The following PSMB2 variants were observed in gnomAD, a reference collection of about 807,000 sequenced individuals.
The protein encoded by PSMB2 is proteasome 20S subunit beta 2.
PSMB2 carries 13 observed loss-of-function variants against 25.7 expected under a neutral mutation model. The observed-to-expected ratio is 0.51, with a 90% confidence interval of 0.33 to 0.80. The LOEUF (loss-of-function observed/expected upper bound fraction) is 0.80. Among genes scored for constraint, PSMB2 ranks in the 30% least tolerant of loss-of-function variants. The probability of loss-of-function intolerance (pLI) is 0.02; values close to 1 mark genes in which losing one functional copy is unlikely to be tolerated. For missense variants in PSMB2, 202 were observed against 259.0 expected, an observed-to-expected ratio of 0.78 and a Z score of 1.51; for synonymous variants, 87 against 96.2, an observed-to-expected ratio of 0.90 and a Z score of 0.56.
intron 3 of PSMB2, among the ~76,000 whole-genome samples, chr1:35,612,691 AAAGT>A (rs1392810111): frequency 2.0e-5 from 3 of 152,318 alleles, no homozygotes; most frequent in African/African-American, 2.4e-5. Context: ...TACCTATCAC[AAAGT>A]AAGTTAAATC....
chr1:35,636,399 A>ATC lies in PSMB2; in HGVS notation c.123_124dup (p.Ile42ArgfsTer60). On this transcript the variant is annotated frameshift_variant, in exon 2 of 6. Transcript: ENST00000373237. LOFTEE classifies it high-confidence loss of function. ...AGCCTCTCCAACACACAGGAGTAAT[A>ATC]TCTTTTCACTCATCTTAAACATCTT... 6.2e-7 allele frequency: 1 copy of ATC among 1,614,102 alleles called. No individual in the cohort carries two copies. The highest frequency in any genetic ancestry group is 8.5e-7 in the Non-Finnish European group (1 of 1,179,970).
Position 35,601,553 on chromosome 1 carries a change from CG to C in PSMB2, c.*1713del. The C allele has an allele frequency of 1.0e-6, 1 of 985,086 alleles. No homozygotes were observed. Among genetic ancestry groups the C allele is most frequent in the African/African-American group, 1.7e-5 (1 of 57,258 alleles). 61.0% of individuals were successfully genotyped at this position (985,086 alleles called of 1,614,324 possible). Reference sequence around the variant, plus strand: ...TATGGTGTAAGGCATTTATCATTGGCGTATTAAATAGTGTATAAGACACCCA... The same window carrying C: ...TATGGTGTAAGGCATTTATCATTGGCTATTAAATAGTGTATAAGACACCCA... On this transcript the variant is annotated 3_prime_UTR_variant, in exon 6 of 6. Transcript: ENST00000373237.
In PSMB2 at chr1:35,600,803, A is replaced by C. The variant is rs969921846; in HGVS notation, c.*2464T>G. On this transcript the variant is annotated 3_prime_UTR_variant, in exon 6 of 6. Coordinates refer to ENST00000373237, the MANE Select transcript of PSMB2 (RefSeq NM_002794.5). ...GGGACACTTACATTCAAAGGCAGAG[A>C]ACCGTATGTCATCCCTGGTGAGGCC... is the stretch of plus-strand genomic sequence containing the variant. The C allele has an allele frequency of 2.0e-6, 2 of 985,420 alleles. No homozygotes were observed. The highest frequency in any genetic ancestry group is 2.4e-6 in the Non-Finnish European group (2 of 829,944). The allele number at this position is 985,420 out of a possible 1,614,324, so 61.0% of individuals were successfully genotyped here. A position where few individuals can be genotyped will look rare whatever the true frequency, so the allele number is the denominator to read the frequency against.
Position 35,603,339 on chromosome 1 carries a change from G to A in PSMB2, c.534C>T (p.Phe178=). ...CATTTTTGTCAATGATTCGAACACT[G>A]AAGGTTGGCAGATTCAGGATGAAGC... ...QKRFILNLPT[F]SVRIIDKNGI... is the part of the protein sequence containing the mutation. Residue 178 remains phenylalanine (F), a synonymous_variant, in exon 6 of 6, where the codon TTC becomes TTT. Coordinates refer to ENST00000373237, the MANE Select transcript of PSMB2 (RefSeq NM_002794.5). 6.2e-7 allele frequency: 1 copy of A among 1,614,174 alleles called. No homozygotes were observed. The highest frequency in any genetic ancestry group is 8.5e-7 in the Non-Finnish European group (1 of 1,180,006).
At chr1:35,626,069 C>T (rs980627976) in intron 3 of PSMB2, among the ~76,000 whole-genome samples, 1 of 152,114 alleles carries the variant, frequency 6.6e-6, no homozygotes, top group African/African-American at 2.4e-5. Context: ...AACTCCTGGG[C>T]TCAACTGATC....
Position 35,600,218 on chromosome 1 carries a change from T to A in PSMB2, c.*3049A>T, listed in dbSNP as rs192671682. ...GAAATGCCAGAACTTGGTGGCCATG[T>A]AGAGACAGGAGATAAAGAATGGCAT... On this transcript the variant is annotated 3_prime_UTR_variant, in exon 6 of 6. Transcript: ENST00000373237. 4.1e-6 allele frequency: 4 copies of A among 985,252 alleles called. No homozygotes were observed. Among genetic ancestry groups the A allele is most frequent in the Non-Finnish European group, 4.8e-6 (4 of 829,892 alleles). The allele number at this position is 985,252 out of a possible 1,614,324, so 61.0% of individuals were successfully genotyped here.
At position 35,609,427 on chromosome 1, in the gene PSMB2, G is replaced by A. The variant is rs1229242506; in HGVS notation, c.286-19C>T. ...ATGGGGTCTGCAAAGAAAAGATATGGCAAAGTGATAACTAAAGCAGAACAC... is the reference window on the plus strand; with the variant it reads ...ATGGGGTCTGCAAAGAAAAGATATGACAAAGTGATAACTAAAGCAGAACAC... On this transcript the variant is annotated intron_variant, in intron 3 of 5. Coordinates refer to ENST00000373237, the MANE Select transcript of PSMB2 (RefSeq NM_002794.5). The A allele has an allele frequency of 1.3e-6, 2 of 1,483,004 alleles. No homozygotes were observed. The highest frequency in any genetic ancestry group is 1.8e-6 in the Non-Finnish European group (2 of 1,106,600). The allele number at this position is 1,483,004 out of a possible 1,614,324, so 91.9% of individuals were successfully genotyped here.
rs548965218 is a variant in PSMB2 at position 35,633,603 on chromosome 1, C to T, written c.215-2259G>A. Among the ~76,000 whole-genome samples, 38 of 152,320 alleles carry T rather than the reference C, an allele frequency of 2.5e-4. 1 individual carries two copies. The South Asian group carries it at 7.9e-3, about 32-fold the overall frequency. The stretch of plus-strand genomic sequence containing the variant: ...GGACAGCCAGTGAAGTCATACAGTA[C>T]CTACTGGACTTCAGAAGCATTACTG... On this transcript the variant is annotated intron_variant, in intron 2 of 5. Coordinates refer to ENST00000373237, the MANE Select transcript of PSMB2 (RefSeq NM_002794.5).
rs978749315 is a variant in PSMB2 at position 35,601,322 on chromosome 1, C to T, written c.*1945G>A. The T allele has an allele frequency of 5.5e-5, 52 of 945,312 alleles. No individual in the cohort carries two copies. The highest frequency in any genetic ancestry group is 5.3e-4 in the Middle Eastern group (1 of 1,870). The allele number at this position is 945,312 out of a possible 1,614,324, so 58.6% of individuals were successfully genotyped here. On this transcript the variant is annotated 3_prime_UTR_variant, in exon 6 of 6. Transcript: ENST00000373237. ...CTGACCTCAGGTGATCCGCCCGCCT[C>T]GGCGGGCGGCCAAAGTGCTGGGATT...
chr1:35,627,685 T>C (rs1650906454), intron 3 of PSMB2, among the ~76,000 whole-genome samples: 1 of 152,212 alleles, frequency 6.6e-6, no homozygotes, highest in African/African-American at 2.4e-5. Context: ...TTACCTTATT[T>C]AATCTTCATA....
intron 4 of PSMB2, among the ~76,000 whole-genome samples, chr1:35,606,785 A>G (rs1436835647): frequency 2.0e-5 from 3 of 152,218 alleles, no homozygotes; most frequent in African/African-American, 7.2e-5. Context: ...TGATACCACT[A>G]CCAGACTTCA....
chr1:35,612,088 T>G (rs577504220), intron 3 of PSMB2, among the ~76,000 whole-genome samples: 1 of 152,208 alleles, frequency 6.6e-6, no homozygotes, highest in Non-Finnish European at 1.5e-5. Context: ...GTTTCTGTTT[T>G]AGTGATAGGA....
intron 1 of PSMB2, among the ~76,000 whole-genome samples, chr1:35,639,155 G>A (rs771061949): frequency 2.6e-5 from 4 of 152,128 alleles, no homozygotes; most frequent in South Asian, 2.1e-4. Context: ...TTGGAAGGCC[G>A]AGGCAGGAGA....
chr1:35,634,772 G>A (rs61776885), intron 2 of PSMB2, among the ~76,000 whole-genome samples: 2 of 150,316 alleles, frequency 1.3e-5, no homozygotes, highest in Non-Finnish European at 3.0e-5. Context: ...AGATGGTGTT[G>A]GGTTTTTTTT....
chr1:35,615,662 C>T (rs1217429675), intron 3 of PSMB2, among the ~76,000 whole-genome samples: 3 of 152,118 alleles, frequency 2.0e-5, no homozygotes, highest in Non-Finnish European at 2.9e-5. Context: ...GAGGAAGCAT[C>T]CTGCCAAGCG....
intron 3 of PSMB2, among the ~76,000 whole-genome samples, chr1:35,612,037 C>A (rs1489988798): frequency 6.6e-6 from 1 of 151,822 alleles, no homozygotes; most frequent in East Asian, 1.9e-4. Context: ...GGGTTCCTAA[C>A]ATCGCCTGGA....
chr1:35,631,364 G>A lies in PSMB2; in HGVS notation c.215-20C>T. On this transcript the variant is annotated intron_variant, in intron 2 of 5. Transcript: ENST00000373237. ...CATATCCTGGTAGAAGAGATAAAGA[G>A]TCATACTTAAAGTAAAGCAGAAGGA... 1 of 1,613,006 alleles carries A rather than the reference G, an allele frequency of 6.2e-7. No individual in the cohort carries two copies. The highest frequency in any genetic ancestry group is 8.5e-7 in the Non-Finnish European group (1 of 1,178,982).
At chr1:35,615,354 C>G (rs891198200) in intron 3 of PSMB2, among the ~76,000 whole-genome samples, 1 of 152,180 alleles carries the variant, frequency 6.6e-6, no homozygotes, top group Non-Finnish European at 1.5e-5. Context: ...TTGGACTCTT[C>G]TACATTTGGG....
In PSMB2 at chr1:35,607,630, A is replaced by C. The variant is rs148267651; in HGVS notation, c.448+1616T>G. Reference sequence around the variant, plus strand: ...GAGGACAGTATGGCGGTCCCTCAAAAAACTACAAATAGAACTACCATATGA... The same window carrying C: ...GAGGACAGTATGGCGGTCCCTCAAACAACTACAAATAGAACTACCATATGA... On this transcript the variant is annotated intron_variant, in intron 4 of 5. Coordinates refer to ENST00000373237, the MANE Select transcript of PSMB2 (RefSeq NM_002794.5). 5.2e-3 allele frequency among the ~76,000 whole-genome samples: 798 copies of C among 152,324 alleles called. 4 individuals carry two copies. Among genetic ancestry groups the C allele is most frequent in the African/African-American group, 0.018 (728 of 41,568 alleles).
Sources: allele counts gnomAD v4.1 joint callset (sites outside exome capture counted in the v4.1 genomes callset), GRCh38; gene constraint gnomAD v4.1.1; transcripts MANE v1.5; gene names NCBI Gene and HGNC (gene_info 2026-07-23, HGNC 2026-07-21).